Variants in NTNG1 observed in about 807,000 individuals in gnomAD.
The protein encoded by NTNG1 is netrin-G1.
NTNG1 carries 16 observed loss-of-function variants against 54.0 expected under a neutral mutation model. That is an observed-to-expected ratio of 0.30 (90% CI 0.20 to 0.45). The LOEUF (loss-of-function observed/expected upper bound fraction) is 0.45. Ranked by LOEUF, NTNG1 falls within the 20% of genes least tolerant of loss-of-function variation. The probability of loss-of-function intolerance (pLI) is 1.00; values close to 1 mark genes in which losing one functional copy is unlikely to be tolerated. For missense variants in NTNG1, 530 were observed against 678.7 expected, an observed-to-expected ratio of 0.78 and a Z score of 2.43; for synonymous variants, 255 against 263.1, an observed-to-expected ratio of 0.97 and a Z score of 0.30.
chr1:107,189,221 C>G (rs1446132040), intron 2 of NTNG1, among the ~76,000 whole-genome samples: 1 of 151,632 alleles, frequency 6.6e-6, no homozygotes, highest in African/African-American at 2.4e-5. Context: ...AGTGGTAGTT[C>G]ACGCCTGTAG....
intron 3 of NTNG1, among the ~76,000 whole-genome samples, chr1:107,360,858 G>C (rs760586180): frequency 6.6e-6 from 1 of 151,944 alleles, no homozygotes; most frequent in Non-Finnish European, 1.5e-5. Flanking sequence ...AGTATCTCTC[G>C]TCCATGCCTC....
intron 3 of NTNG1, among the ~76,000 whole-genome samples, chr1:107,355,952 C>T (rs187042708): frequency 3.9e-5 from 6 of 152,238 alleles, no homozygotes; most frequent in Admixed American, 3.9e-4. Context: ...ATTATTGTGT[C>T]CTAAAAAGAT....
At chr1:107,388,678 A>AG (rs1672176197) in intron 3 of NTNG1, among the ~76,000 whole-genome samples, 1 of 152,204 alleles carries the variant, frequency 6.6e-6, no homozygotes, top group African/African-American at 2.4e-5. Flanking sequence ...CCTTACAGTA[A>AG]GTAAGTGGCA....
chr1:107,428,808 C>T (rs1005311826), intron 5 of NTNG1, among the ~76,000 whole-genome samples: 2 of 152,004 alleles, frequency 1.3e-5, no homozygotes, highest in African/African-American at 4.8e-5. Context: ...ATAAACAAGG[C>T]GTAACTCTGA....
chr1:107,351,777 G>T (rs1669612109), intron 3 of NTNG1, among the ~76,000 whole-genome samples: 2 of 152,162 alleles, frequency 1.3e-5, no homozygotes, highest in Admixed American at 1.3e-4. Context: ...GAAGTCCAAA[G>T]TCTCATCTGA....
At chr1:107,303,902 G>A (rs902194738) in intron 2 of NTNG1, among the ~76,000 whole-genome samples, 1 of 151,922 alleles carries the variant, frequency 6.6e-6, no homozygotes, top group African/African-American at 2.4e-5. Context: ...GGTCAGGATG[G>A]TCTTGATCTC....
Position 107,217,724 on chromosome 1 carries a change from C to T in NTNG1, c.246+68885C>T, listed in dbSNP as rs188129109. On this transcript the variant is annotated intron_variant, in intron 2 of 7. Coordinates refer to ENST00000370068, the MANE Select transcript of NTNG1 (RefSeq NM_001113226.3). ...TGTTGACCTAACAATCATTCAGGAG[C>T]GGGTTATTTAATTTCCATTTATTTC... Among the ~76,000 whole-genome samples the T allele has an allele frequency of 5.2e-3, 790 of 152,194 alleles. 5 individuals are homozygous for T. Among genetic ancestry groups the T allele is most frequent in the South Asian group, 9.1e-3 (44 of 4,820 alleles).
intron 3 of NTNG1, among the ~76,000 whole-genome samples, chr1:107,350,071 A>G (rs1189954534): frequency 6.6e-6 from 1 of 152,196 alleles, no homozygotes; most frequent in Non-Finnish European, 1.5e-5. Context: ...TGGTATTTTC[A>G]AACTTATTAA....
intron 1 of NTNG1, among the ~76,000 whole-genome samples, chr1:107,142,293 C>A (rs572404018): frequency 6.9e-6 from 1 of 144,830 alleles, no homozygotes; most frequent in East Asian, 2.0e-4. Context: ...AATTTTAGTA[C>A]CCTCACCCGG....
chr1:107,484,691 A>G lies in NTNG1; in HGVS notation c.*3851A>G, dbSNP rs539702660. On this transcript the variant is annotated 3_prime_UTR_variant, in exon 8 of 8. Coordinates refer to ENST00000370068, the MANE Select transcript of NTNG1 (RefSeq NM_001113226.3). ...ACCTGTGGTCTGACTGGAGTATAAG[A>G]AATTTTGGATGCACTGGGGGAACAA... Among the ~76,000 whole-genome samples the G allele has an allele frequency of 2.0e-5, 3 of 152,196 alleles. No individual in the cohort carries two copies. The highest frequency in any genetic ancestry group is 4.4e-5 in the Non-Finnish European group (3 of 68,040).
At chr1:107,173,710 C>T (rs1418936875) in intron 2 of NTNG1, among the ~76,000 whole-genome samples, 11 of 140,106 alleles carry the variant, frequency 7.9e-5, no homozygotes, top group African/African-American at 1.1e-4. Flanking sequence ...TTTCTTTTTT[C>T]TTTTCTTTCT....
intron 3 of NTNG1, among the ~76,000 whole-genome samples, chr1:107,370,476 G>A: frequency 6.6e-6 from 1 of 151,730 alleles, no homozygotes; most frequent in East Asian, 1.9e-4. Context: ...TATATACACT[G>A]AACCCAATTT....
chr1:107,360,963 C>T (rs1284898691), intron 3 of NTNG1, among the ~76,000 whole-genome samples: 3 of 151,738 alleles, frequency 2.0e-5, no homozygotes, highest in African/African-American at 7.3e-5. Context: ...CATAAATCTG[C>T]TTCTCGTGTA....
chr1:107,216,632 G>A (rs570945756), intron 2 of NTNG1, among the ~76,000 whole-genome samples: 79 of 149,964 alleles, frequency 5.3e-4, no homozygotes, highest in African/African-American at 1.7e-3. Context: ...TCATTTCCTC[G>A]TTTTGGTATT....
chr1:107,376,880 C>G (rs1671309834), intron 3 of NTNG1, among the ~76,000 whole-genome samples: 1 of 152,162 alleles, frequency 6.6e-6, no homozygotes. Flanking sequence ...CAGCTCTGTT[C>G]CTTTGTAACT....
chr1:107,477,018 GAAGT>G, intron 7 of NTNG1, among the ~76,000 whole-genome samples: 1 of 152,240 alleles, frequency 6.6e-6, no homozygotes, highest in East Asian at 1.9e-4. Flanking sequence ...ACAGGATACT[GAAGT>G]AATTCCTGTG....
chr1:107,371,463 T>C (rs1212387581), intron 3 of NTNG1, among the ~76,000 whole-genome samples: 1 of 152,056 alleles, frequency 6.6e-6, no homozygotes, highest in East Asian at 1.9e-4. Flanking sequence ...TTAGGAAATA[T>C]TGTGAACAAT....
chr1:107,351,102 A>G (rs900174250), intron 3 of NTNG1, among the ~76,000 whole-genome samples: 23 of 152,226 alleles, frequency 1.5e-4, no homozygotes, highest in African/African-American at 5.5e-4. Context: ...TAGTATTTAA[A>G]TATACACAAT....
intron 2 of NTNG1, among the ~76,000 whole-genome samples, chr1:107,290,471 AT>A (rs145048432): frequency 2.8e-4 from 42 of 151,622 alleles, no homozygotes; most frequent in East Asian, 7.7e-4. Flanking sequence ...TGAATAAGCC[AT>A]TTTTTTTTAA....
Sources: allele counts gnomAD v4.1 joint callset (sites outside exome capture counted in the v4.1 genomes callset), GRCh38; gene constraint gnomAD v4.1.1; transcripts MANE v1.5; gene names NCBI Gene and HGNC (gene_info 2026-07-23, HGNC 2026-07-21).